The following ERICH1 variants were observed in gnomAD, a reference collection of about 807,000 sequenced individuals.
ERICH1 encodes the protein glutamate rich 1, also known as glutamate-rich protein 1.
ERICH1 carries 56 observed loss-of-function variants against 39.6 expected under a neutral mutation model. That is an observed-to-expected ratio of 1.41 (90% confidence interval 1.14 to 1.77). The LOEUF (loss-of-function observed/expected upper bound fraction) is 1.77. ERICH1 is among the 40% of genes most tolerant of loss of function. ERICH1 has a pLI of 0.00. For missense variants in ERICH1, 826 were observed against 575.4 expected, an observed-to-expected ratio of 1.44 and a Z score of -4.45; for synonymous variants, 313 against 223.6, an observed-to-expected ratio of 1.40 and a Z score of -3.57.
chr8:664,037 G>T (rs147105078), downstream of ERICH1, among the ~76,000 whole-genome samples: 60 of 152,320 alleles, frequency 3.9e-4, no homozygotes, highest in East Asian at 0.011. Flanking sequence ...AGGATTACAG[G>T]CGTGAGCCAC....
chr8:688,094 G>A (rs1807915342), intron 3 of ERICH1, among the ~76,000 whole-genome samples: 3 of 152,296 alleles, frequency 2.0e-5, no homozygotes, highest in African/African-American at 7.2e-5. Flanking sequence ...TGCAGTTCCC[G>A]GCTGCAAAAA....
rs558524048 is a variant in ERICH1, at chr8:630,833, C to T, written c.977-15549G>A. Among the ~76,000 whole-genome samples the T allele has an allele frequency of 6.1e-5, 9 of 148,532 alleles. No individual in the cohort carries two copies. In the East Asian group the frequency reaches 1.5e-3, roughly 24 times the overall value. Reference sequence around the variant, plus strand: ...CCCACACAGACAGAGCTGACACACACCCTCCCGTGACCACCCACTCAGACA... The same window carrying T: ...CCCACACAGACAGAGCTGACACACATCCTCCCGTGACCACCCACTCAGACA... On this transcript the variant is annotated intron_variant, in intron 3 of 3. Coordinates refer to the ERICH1 transcript ENST00000522706.
At chr8:635,126 A>T (rs1798324522) in intron 3 of ERICH1, among the ~76,000 whole-genome samples, 1 of 151,188 alleles carries the variant, frequency 6.6e-6, no homozygotes, top group Admixed American at 6.6e-5. Flanking sequence ...CCTCACCAGG[A>T]GTGGGCGTGG....
chr8:622,630 C>A (rs1458951564), intron 3 of ERICH1, among the ~76,000 whole-genome samples: 1 of 152,104 alleles, frequency 6.6e-6, no homozygotes, highest in Non-Finnish European at 1.5e-5. Flanking sequence ...AAAACCCAAG[C>A]CAGACAGCTT....
rs1365120795 is a variant in ERICH1, at chr8:702,775, G to C, written c.170-10163C>G. On this transcript the variant is annotated intron_variant, in intron 2 of 5. Transcript: ENST00000262109. ...AGACCCGCCAAAGTGGACCCTTTCG[G>C]CCAGCACAGCCTTGGTGATGGACGC... 2.0e-5 allele frequency among the ~76,000 whole-genome samples: 3 copies of C among 152,194 alleles called. No individual in the cohort carries two copies. In the East Asian group the frequency reaches 5.8e-4, roughly 29 times the overall value.
chr8:632,365 T>C (rs904914562), intron 3 of ERICH1, among the ~76,000 whole-genome samples: 2 of 151,918 alleles, frequency 1.3e-5, no homozygotes. Context: ...CTGCAAGAAA[T>C]GTTTAAAAAT....
At chr8:704,946 A>G (rs1484826947) in intron 2 of ERICH1, among the ~76,000 whole-genome samples, 2 of 152,220 alleles carry the variant, frequency 1.3e-5, no homozygotes, top group African/African-American at 2.4e-5. Flanking sequence ...TATGCAACAC[A>G]TAACTGACAA....
At chr8:665,523 G>A (rs772715634) in intron 5 of ERICH1, among the ~76,000 whole-genome samples, 14 of 152,254 alleles carry the variant, frequency 9.2e-5, no homozygotes, top group African/African-American at 2.4e-4. Context: ...GCTCCATCCC[G>A]CCCAGGGGCA....
intron 2 of ERICH1, among the ~76,000 whole-genome samples, chr8:698,450 C>T (rs1421874582): frequency 1.3e-5 from 2 of 152,070 alleles, no homozygotes; most frequent in Non-Finnish European, 2.9e-5. Flanking sequence ...AACTCCTGAC[C>T]TCAAGTGATC....
chr8:627,209 C>G (rs1237745342), intron 3 of ERICH1: 4 of 456,090 alleles, frequency 8.8e-6, no homozygotes, highest in African/African-American at 8.0e-5. Context: ...GTACCATTGG[C>G]CCAGGCTCTC....
rs766027266 is a variant in ERICH1, at chr8:731,172, G to A, written c.-11C>T. 2.0e-6 allele frequency: 3 copies of A among 1,505,390 alleles called. No individual in the cohort carries two copies. Among genetic ancestry groups the A allele is most frequent in the Admixed American group, 2.1e-5 (1 of 48,098 alleles). 93.3% of individuals were successfully genotyped at this position (1,505,390 alleles called of 1,614,324 possible). A position where few individuals can be genotyped will look rare whatever the true frequency, so the allele number is the denominator to read the frequency against. ...CCTGTGCGCCGCCATGCGGGACCCT[G>A]CCGCGGACCTCAGACCACGGCGCGC... On this transcript the variant is annotated 5_prime_UTR_variant, in exon 1 of 6. Coordinates refer to ENST00000262109, the MANE Select transcript of ERICH1 (RefSeq NM_207332.3).
At chr8:702,364 G>T (rs2132215218) in intron 2 of ERICH1, among the ~76,000 whole-genome samples, 1 of 152,274 alleles carries the variant, frequency 6.6e-6, no homozygotes, top group South Asian at 2.1e-4. Flanking sequence ...GCACACAGCG[G>T]CACAGCTCCT....
chr8:718,021 G>C (rs1006689543), intron 1 of ERICH1, among the ~76,000 whole-genome samples: 2 of 152,202 alleles, frequency 1.3e-5, no homozygotes, highest in Non-Finnish European at 2.9e-5. Context: ...GGTAAGGATC[G>C]GAGCGCACTG....
intron 3 of ERICH1, among the ~76,000 whole-genome samples, chr8:649,471 T>G (rs1312697905): frequency 6.6e-6 from 1 of 152,194 alleles, no homozygotes; most frequent in Non-Finnish European, 1.5e-5. Flanking sequence ...GCACAGAGAA[T>G]TCCAGGGTGG....
chr8:639,537 C>G (rs369467941), intron 3 of ERICH1, among the ~76,000 whole-genome samples: 2 of 152,104 alleles, frequency 1.3e-5, no homozygotes, highest in East Asian at 3.9e-4. Context: ...TTAGCAGACA[C>G]GACCGAGAAC....
intron 1 of ERICH1, among the ~76,000 whole-genome samples, chr8:730,844 C>T (rs1028244742): frequency 6.6e-6 from 1 of 152,212 alleles, no homozygotes; most frequent in East Asian, 1.9e-4. Context: ...AGGGGCTCTG[C>T]TAAGAACACG....
At chr8:682,577 T>C (rs557880335) in intron 3 of ERICH1, among the ~76,000 whole-genome samples, 127 of 152,318 alleles carry the variant, frequency 8.3e-4, no homozygotes, top group African/African-American at 2.9e-3. Flanking sequence ...CTGAAAGCGA[T>C]GTGAGGGAAC....
Position 664,453 on chromosome 8 carries a change from G to A in ERICH1, c.*150C>T. Reference sequence around the variant, plus strand: ...CAATTTCTCATCTGAAGCCTCAGATGGCATCTTGCCCACCAGGAACAAACA... The same window carrying A: ...CAATTTCTCATCTGAAGCCTCAGATAGCATCTTGCCCACCAGGAACAAACA... On this transcript the variant is annotated 3_prime_UTR_variant, in exon 6 of 6. Coordinates refer to ENST00000262109, the MANE Select transcript of ERICH1 (RefSeq NM_207332.3). 1 of 1,269,290 alleles carries A rather than the reference G, an allele frequency of 7.9e-7. No homozygotes were observed. Among genetic ancestry groups the A allele is most frequent in the Non-Finnish European group, 9.9e-7 (1 of 1,005,736 alleles). 78.6% of individuals were successfully genotyped at this position (1,269,290 alleles called of 1,614,324 possible). A position where few individuals can be genotyped will look rare whatever the true frequency, so the allele number is the denominator to read the frequency against.
chr8:622,734 C>T (rs893023665), intron 3 of ERICH1, among the ~76,000 whole-genome samples: 1 of 152,088 alleles, frequency 6.6e-6, no homozygotes, highest in Non-Finnish European at 1.5e-5. Flanking sequence ...GGGAGGATCA[C>T]TTGAGCCCAG....
Sources: gnomAD v4.1 joint callset for allele counts (sites outside exome capture counted in the v4.1 genomes callset) on GRCh38, gnomAD v4.1.1 for gene constraint, MANE v1.5 for transcripts, NCBI Gene and HGNC (gene_info 2026-07-23, HGNC 2026-07-21) for gene names.